KLF12: variants seen among roughly 807,000 people sequenced by gnomAD.
The protein encoded by KLF12 is Krueppel-like factor 12.
KLF12 carries 9 observed loss-of-function variants against 37.8 expected under a neutral mutation model. That is an observed-to-expected ratio of 0.24 (90% CI 0.14 to 0.42). The LOEUF (loss-of-function observed/expected upper bound fraction) is 0.42, where lower values mean the gene tolerates loss of function less well. Among genes scored for constraint, KLF12 ranks in the 10% least tolerant of loss-of-function variants. The pLI, the probability that KLF12 is intolerant of heterozygous loss-of-function variation, is 1.00. For missense variants in KLF12, 411 were observed against 516.0 expected (o/e 0.80, Z 1.97); for synonymous variants, 208 against 202.1 (o/e 1.03, Z -0.25).
chr13:73,869,780 A>G (rs1886377926), intron 3 of KLF12, among the ~76,000 whole-genome samples: 1 of 152,148 alleles, frequency 6.6e-6, no homozygotes, highest in Admixed American at 6.5e-5. Flanking sequence ...TTTCTCTTCT[A>G]TTGAAGGCTT....
the KLF12 span, among the ~76,000 whole-genome samples, chr13:74,192,614 T>C: frequency 2.0e-5 from 3 of 152,252 alleles, no homozygotes; most frequent in Non-Finnish European, 2.9e-5. Context: ...CGTTAGTTTA[T>C]ATTTCAATAG....
intron 1 of KLF12, among the ~76,000 whole-genome samples, chr13:74,004,610 A>G (rs549482762): frequency 6.6e-6 from 1 of 152,132 alleles, no homozygotes; most frequent in Non-Finnish European, 1.5e-5. Flanking sequence ...GCAACAAGAG[A>G]GTTTTGGTGT....
chr13:74,047,411 G>A (rs1432372356), intron 1 of KLF12, among the ~76,000 whole-genome samples: 2 of 147,974 alleles, frequency 1.4e-5, no homozygotes, highest in African/African-American at 2.5e-5. Context: ...CTAACACGGC[G>A]AAACCCCGTC....
At chr13:74,261,255 G>A in the KLF12 span, among the ~76,000 whole-genome samples, 1 of 152,184 alleles carries the variant, frequency 6.6e-6, no homozygotes, top group South Asian at 2.1e-4. Context: ...GAAATGTGTT[G>A]TGTTTCCCTG....
At chr13:73,865,760 A>G (rs1455029335) in intron 3 of KLF12, among the ~76,000 whole-genome samples, 1 of 152,194 alleles carries the variant, frequency 6.6e-6, no homozygotes, top group Admixed American at 6.5e-5. Context: ...AGATAAGAAA[A>G]TTGTACTCCA....
intron 2 of KLF12, among the ~76,000 whole-genome samples, chr13:73,980,829 G>A (rs866310663): frequency 2.6e-5 from 4 of 152,162 alleles, no homozygotes; most frequent in Admixed American, 6.5e-5. Context: ...AGTTAGTACG[G>A]ACGTGGTAAA....
intron 5 of KLF12, among the ~76,000 whole-genome samples, chr13:73,782,346 C>T (rs1013838158): frequency 6.6e-6 from 1 of 152,158 alleles, no homozygotes; most frequent in African/African-American, 2.4e-5. Context: ...CTGGCTGTTC[C>T]ATGTCTTGTG....
chr13:74,285,075 T>C, the KLF12 span, among the ~76,000 whole-genome samples: 1 of 152,200 alleles, frequency 6.6e-6, no homozygotes, highest in Non-Finnish European at 1.5e-5. Flanking sequence ...ACTGCATGAA[T>C]TGATCTTCAT....
chr13:73,701,240 G>A (rs7984196), intron 7 of KLF12, among the ~76,000 whole-genome samples: 112,383 of 152,074 alleles, frequency 0.74, 41,657 homozygotes, highest in Middle Eastern at 0.86. Flanking sequence ...AGGTTGAGCA[G>A]TGGTGATCAG....
chr13:74,247,975 G>A, the KLF12 span, among the ~76,000 whole-genome samples: 1 of 152,210 alleles, frequency 6.6e-6, no homozygotes, highest in African/African-American at 2.4e-5. Flanking sequence ...GTCCCATTGT[G>A]GCGCTGGATG....
the KLF12 span, among the ~76,000 whole-genome samples, chr13:74,270,796 T>A: frequency 6.6e-6 from 1 of 152,302 alleles, no homozygotes; most frequent in African/African-American, 2.4e-5. Context: ...GGGAGTGTCA[T>A]GGACTATGCA....
the KLF12 span, among the ~76,000 whole-genome samples, chr13:74,214,529 G>A: frequency 2.6e-5 from 4 of 152,166 alleles, no homozygotes; most frequent in South Asian, 8.3e-4. Context: ...TCGTTTGGTT[G>A]GGAACAGAAT....
the KLF12 span, among the ~76,000 whole-genome samples, chr13:74,157,020 A>G: frequency 6.6e-6 from 1 of 152,154 alleles, no homozygotes; most frequent in Non-Finnish European, 1.5e-5. Context: ...TGAGGGTATG[A>G]CAGTATAAAC....
intron 1 of KLF12, among the ~76,000 whole-genome samples, chr13:74,052,305 G>A (rs190594011): frequency 2.9e-4 from 43 of 148,810 alleles, no homozygotes; most frequent in Non-Finnish European, 3.4e-4. Context: ...AAAAAACTGG[G>A]CCACAGACAG....
At chr13:74,000,420 G>A (rs1892245036) in intron 1 of KLF12, among the ~76,000 whole-genome samples, 1 of 152,054 alleles carries the variant, frequency 6.6e-6, no homozygotes, top group Non-Finnish European at 1.5e-5. Context: ...AGATTTCAGA[G>A]GTCAATAATA....
chr13:74,266,413 G>A, the KLF12 span, among the ~76,000 whole-genome samples: 1 of 152,056 alleles, frequency 6.6e-6, no homozygotes, highest in Non-Finnish European at 1.5e-5. Context: ...ATAAAGTGAG[G>A]AATCCACAGC....
chr13:74,134,185 GA>G (rs1315824229), upstream of KLF12, among the ~76,000 whole-genome samples: 16 of 140,614 alleles, frequency 1.1e-4, no homozygotes, highest in Non-Finnish European at 2.4e-4. Flanking sequence ...GGGGTGCTGT[GA>G]GGGGGGGGGC....
chr13:73,877,663 ACTC>A (rs1566433460), intron 3 of KLF12, among the ~76,000 whole-genome samples: 1 of 151,922 alleles, frequency 6.6e-6, no homozygotes, highest in Non-Finnish European at 1.5e-5. Flanking sequence ...GCTAGTACCT[ACTC>A]CTCCATACTG....
At chr13:73,968,005 T>A (rs990108559) in intron 2 of KLF12, among the ~76,000 whole-genome samples, 1 of 152,146 alleles carries the variant, frequency 6.6e-6, no homozygotes, top group Non-Finnish European at 1.5e-5. Flanking sequence ...TCATGTTCTT[T>A]TTATAGATGC....
Sources: allele counts gnomAD v4.1 joint callset (sites outside exome capture counted in the v4.1 genomes callset), GRCh38; gene constraint gnomAD v4.1.1; transcripts MANE v1.5; gene names NCBI Gene and HGNC (gene_info 2026-07-23, HGNC 2026-07-21).